The following MTIF3 variants were observed in gnomAD, a reference collection of about 807,000 sequenced individuals.
The protein encoded by MTIF3 is translation initiation factor IF-3, mitochondrial.
Under a neutral mutation model 20.7 loss-of-function variants are expected in MTIF3, and 13 were observed. The ratio of observed to expected loss-of-function variants is 0.63; its 90% confidence interval spans 0.41 to 1.00. The LOEUF (loss-of-function observed/expected upper bound fraction) is 1.00. MTIF3 is among the 50% of genes least tolerant of loss of function. The probability of loss-of-function intolerance (pLI) is 0.00; values close to 1 mark genes in which losing one functional copy is unlikely to be tolerated. For missense variants in MTIF3, 295 were observed against 324.5 expected, an observed-to-expected ratio of 0.91 and a Z score of 0.70; for synonymous variants, 114 against 112.5, an observed-to-expected ratio of 1.01 and a Z score of -0.08.
At chr13:27,437,317 C>T in intron 3 of MTIF3, 44 bp from the exon 4 acceptor site, 1 of 1,544,334 alleles carries the variant, frequency 6.5e-7, no homozygotes, top group Non-Finnish European at 8.8e-7. Flanking sequence ...GACTAGTCCA[C>T]TGTGAACCCT....
At chr13:27,447,225 T>A (rs887153553) in intron 1 of MTIF3, among the ~76,000 whole-genome samples, 5 of 129,556 alleles carry the variant, frequency 3.9e-5, no homozygotes, top group Non-Finnish European at 8.3e-5. Flanking sequence ...AGATGAACTT[T>A]AAGAAAAAGA....
At chr13:27,440,623 C>T (rs998916789) in intron 2 of MTIF3, 174 bp from the exon 3 acceptor site, 4 of 614,202 alleles carry the variant, frequency 6.5e-6, no homozygotes, top group South Asian at 2.1e-5. Flanking sequence ...ACTGATAAAG[C>T]GGACTAGCAG....
chr13:27,436,288 A>G (rs1341213731), intron 4 of MTIF3, among the ~76,000 whole-genome samples: 3 of 152,186 alleles, frequency 2.0e-5, no homozygotes, highest in African/African-American at 7.2e-5. Context: ...GACTGAAACA[A>G]ATGGATACCT....
chr13:27,445,515 CG>C (rs1370412161), intron 1 of MTIF3, among the ~76,000 whole-genome samples: 1 of 151,812 alleles, frequency 6.6e-6, no homozygotes, highest in African/African-American at 2.4e-5. Flanking sequence ...CCAACCCCAA[CG>C]AAACTACTGA....
rs1566078953 is a variant in MTIF3, at chr13:27,435,746, C to CT, written c.765dup (p.Glu256ArgfsTer15). On this transcript the variant is annotated frameshift_variant, in exon 5 of 5. Transcript: ENST00000381120. LOFTEE classifies it low-confidence loss of function (END_TRUNC). ...TTCAAAGTGTCTCTTTCCTGGGTCT[C>CT]TTGAGTTTCTTTATATGCCTTCTCC... 6.2e-7 allele frequency: 1 copy of CT among 1,614,120 alleles called. No homozygotes were observed. Among genetic ancestry groups the CT allele is most frequent in the Non-Finnish European group, 8.5e-7 (1 of 1,179,986 alleles).
At chr13:27,438,515 C>A (rs1338347485) in intron 3 of MTIF3, among the ~76,000 whole-genome samples, 8 of 100,430 alleles carry the variant, frequency 8.0e-5, no homozygotes, top group African/African-American at 1.5e-4. Flanking sequence ...TTTTTAAACA[C>A]AGGGTCTCGC....
intron 4 of MTIF3, 120 bp downstream of exon 4, chr13:27,436,996 C>T: frequency 1.0e-6 from 1 of 952,602 alleles, no homozygotes; most frequent in Non-Finnish European, 1.6e-6. Flanking sequence ...CGTGATCCGC[C>T]CACCTTGGCC....
Position 27,435,905 on chromosome 13 carries a change from A to G in MTIF3, c.619-12T>C. The G allele has an allele frequency of 6.3e-7, 1 of 1,593,370 alleles. No individual in the cohort carries two copies. Among genetic ancestry groups the G allele is most frequent in the Non-Finnish European group, 8.6e-7 (1 of 1,163,504 alleles). On this transcript the variant is annotated splice_polypyrimidine_tract_variant and intron_variant, in intron 4 of 4. Transcript: ENST00000381120. ...TGAAATATCTCCTCCTAAAAAAGGGAAACAGCCAAAGATTAATTTAAAATC... is the reference window on the plus strand; with the variant it reads ...TGAAATATCTCCTCCTAAAAAAGGGGAACAGCCAAAGATTAATTTAAAATC...
chr13:27,435,695 A>G lies in MTIF3; in HGVS notation c.817T>C (p.Ser273Pro), dbSNP rs899119323. The part of the protein sequence containing the change: ...LNKDHGNDKE[S>P]NVLHQ ...TAAAATTACTGATGCAGAACATTTG[A>G]TTCCTTATCATTTCCATGGTCTTTG... Residue 273 changes from serine (S) to proline (P), a missense_variant, in exon 5 of 5, where the codon TCA (serine) becomes CCA (proline). Ser to Pro is a moderately conservative substitution (Grantham distance 74). Transcript: ENST00000381120. The G allele has an allele frequency of 2.5e-6, 4 of 1,613,644 alleles. No homozygotes were observed. In the African/African-American group the frequency reaches 4.0e-5, roughly 16 times the overall value.
chr13:27,450,247 GA>G (rs1954322981), intron 1 of MTIF3: 1 of 152,352 alleles, frequency 6.6e-6, no homozygotes, highest in Non-Finnish European at 1.5e-5. Context: ...GACGGAACTA[GA>G]AAAGCTCAGT....
Position 27,437,074 on chromosome 13 carries a change from A to C in MTIF3, c.618+42T>G, listed in dbSNP as rs780484969. 9.4e-6 allele frequency: 15 copies of C among 1,592,664 alleles called. No individual in the cohort carries two copies. In the South Asian group the frequency reaches 1.6e-4, roughly 17 times the overall value. On this transcript the variant is annotated intron_variant, in intron 4 of 4. Coordinates refer to ENST00000381120, the MANE Select transcript of MTIF3 (RefSeq NM_152912.5). The stretch of plus-strand genomic sequence containing the variant: ...CCTACAATTGTATTTTTAGATCAGA[A>C]GACCCAAAGCACAAGCAGTGGCTTG...
intron 3 of MTIF3, among the ~76,000 whole-genome samples, chr13:27,437,901 A>G (rs1293535570): frequency 1.3e-5 from 2 of 151,580 alleles, no homozygotes; most frequent in Non-Finnish European, 1.5e-5. Flanking sequence ...TTGTGATCTC[A>G]GGATAGGGGA....
At chr13:27,443,246 T>C (rs2138141414) in intron 2 of MTIF3, among the ~76,000 whole-genome samples, 1 of 152,280 alleles carries the variant, frequency 6.6e-6, no homozygotes, top group South Asian at 2.1e-4. Flanking sequence ...GGCTCTAAGG[T>C]GGGAGCAAAG....
chr13:27,436,430 G>GT (rs1953753244), intron 4 of MTIF3, among the ~76,000 whole-genome samples: 1 of 151,858 alleles, frequency 6.6e-6, no homozygotes, highest in Non-Finnish European at 1.5e-5. Flanking sequence ...AGCAAAATAG[G>GT]TATTCCATAA....
rs560465826 is a variant in MTIF3, at chr13:27,438,432, G to A, written c.461-1159C>T. ...TGGATCCCAGGAGATGGAGGCTGCAGTGAGCCGAAATCACACCACAGCACT... is the reference window on the plus strand; with the variant it reads ...TGGATCCCAGGAGATGGAGGCTGCAATGAGCCGAAATCACACCACAGCACT... On this transcript the variant is annotated intron_variant, in intron 3 of 4. Transcript: ENST00000381120. Among the ~76,000 whole-genome samples, 51 of 149,030 alleles carry A rather than the reference G, an allele frequency of 3.4e-4. 1 individual carries two copies. In the South Asian group the frequency reaches 0.01, roughly 30 times the overall value.
Position 27,437,226 on chromosome 13 carries a change from G to A in MTIF3, c.508C>T (p.His170Tyr). The part of the protein sequence containing the change: ...ELILSSNIGQ[H>Y]DLDTKTKQIQ... ...TGTTTAGTCTTTGTGTCCAAATCAT[G>A]TTGTCCAATATTTGAAGACAAAATC... Residue 170 changes from histidine to tyrosine, a missense_variant, in exon 4 of 5, where the codon CAT (histidine) becomes TAT (tyrosine). Coordinates refer to ENST00000381120, the MANE Select transcript of MTIF3 (RefSeq NM_152912.5). The A allele has an allele frequency of 1.9e-6, 3 of 1,613,826 alleles. No individual in the cohort carries two copies. Among genetic ancestry groups the A allele is most frequent in the Non-Finnish European group, 2.5e-6 (3 of 1,179,964 alleles).
intron 2 of MTIF3, among the ~76,000 whole-genome samples, chr13:27,444,178 C>T (rs1006398278): frequency 1.4e-4 from 21 of 152,156 alleles, no homozygotes; most frequent in African/African-American, 4.1e-4. Context: ...TGGTGGCGGG[C>T]GCCTGTAGTC....
chr13:27,438,051 C>T (rs1953850485), intron 3 of MTIF3, among the ~76,000 whole-genome samples: 1 of 151,966 alleles, frequency 6.6e-6, no homozygotes, highest in African/African-American at 2.4e-5. Context: ...ACGCAATTCA[C>T]AGAAGAAAAA....
At chr13:27,444,314 G>T (rs1191329267) in intron 2 of MTIF3, among the ~76,000 whole-genome samples, 1 of 143,556 alleles carries the variant, frequency 7.0e-6, no homozygotes, top group East Asian at 2.0e-4. Context: ...CAAAAAAAAC[G>T]AAAAAAAAAA....
Sources: allele counts gnomAD v4.1 joint callset (sites outside exome capture counted in the v4.1 genomes callset), GRCh38; gene constraint gnomAD v4.1.1; transcripts MANE v1.5; gene names NCBI Gene and HGNC (gene_info 2026-07-23, HGNC 2026-07-21).